SH3GLB2: variants seen among roughly 807,000 people sequenced by gnomAD.
The protein encoded by SH3GLB2 is SH3 domain containing GRB2 like, endophilin B2, also known as endophilin-B2.
A neutral mutation model predicts 48.0 loss-of-function variants in SH3GLB2; 24 were observed. The ratio of observed to expected loss-of-function variants is 0.50; its 90% confidence interval spans 0.36 to 0.70. SH3GLB2 has a LOEUF of 0.70. Ranked by LOEUF, SH3GLB2 falls within the 30% of genes least tolerant of loss-of-function variation. The probability of loss-of-function intolerance (pLI) is 0.00; values close to 1 mark genes in which losing one functional copy is unlikely to be tolerated. For missense variants in SH3GLB2, 425 were observed against 516.0 expected (o/e 0.82, Z 1.71); for synonymous variants, 227 against 207.6 (o/e 1.09, Z -0.80).
chr9:129,009,944 T>C (rs561488925), intron 8 of SH3GLB2, 73 bp from the exon 9 acceptor site: 2 of 1,467,348 alleles, frequency 1.4e-6, no homozygotes, highest in African/African-American at 1.4e-5. Context: ...CCCATCCCCG[T>C]CCTCTACCAG....
At chr9:129,027,531 A>G (rs1844229992) in intron 1 of SH3GLB2, among the ~76,000 whole-genome samples, 1 of 152,068 alleles carries the variant, frequency 6.6e-6, no homozygotes, top group South Asian at 2.1e-4. Context: ...CCCTCTCTCC[A>G]TCCCCCAGGC....
chr9:129,014,688 A>G lies in SH3GLB2; in HGVS notation c.468+83T>C, dbSNP rs1264936785. 1.9e-6 allele frequency: 3 copies of G among 1,557,826 alleles called. No individual in the cohort carries two copies. The highest frequency in any genetic ancestry group is 2.7e-5 in the African/African-American group (2 of 73,076). ...GCCTCAGGAGTTTTGTAGCCCCAGC[A>G]CTGGAAGAGAGCCTGTACTCAAAGG... is the stretch of plus-strand genomic sequence containing the variant. On this transcript the variant is annotated intron_variant, in intron 4 of 10. Coordinates refer to ENST00000372564, the MANE Select transcript of SH3GLB2 (RefSeq NM_020145.4). The surrounding 1 kb of genome is among the most constrained non-coding windows in gnomAD (Gnocchi z 4.1).
intron 7 of SH3GLB2, 189 bp from the exon 8 acceptor site, chr9:129,010,398 A>C: frequency 1.6e-6 from 1 of 642,966 alleles, no homozygotes; most frequent in South Asian, 1.9e-5. Flanking sequence ...TCAGGACCCC[A>C]CAGGCAGCTG....
intron 1 of SH3GLB2, among the ~76,000 whole-genome samples, chr9:129,027,478 T>C (rs1844225893): frequency 6.6e-6 from 1 of 152,132 alleles, no homozygotes; most frequent in East Asian, 1.9e-4. Flanking sequence ...CTTCTTCCAA[T>C]CTCAGCATCG....
intron 1 of SH3GLB2, among the ~76,000 whole-genome samples, chr9:129,025,070 G>A (rs1844064684): frequency 6.6e-6 from 1 of 150,898 alleles, no homozygotes; most frequent in South Asian, 2.1e-4. Flanking sequence ...GAGGTCAGGA[G>A]TTCGAGACCA....
At chr9:129,010,488 G>A (rs1402725479) in intron 7 of SH3GLB2, 182 bp downstream of exon 7, 4 of 698,270 alleles carry the variant, frequency 5.7e-6, no homozygotes, top group Non-Finnish European at 9.9e-6. Flanking sequence ...GTGTGCTACA[G>A]GGTACTGTGG....
chr9:129,014,894 C>A lies in SH3GLB2; in HGVS notation c.345G>T (p.Leu115=), dbSNP rs2131257251. The change falls in exon 4 of 11, where the codon CTG becomes CTT. Residue 115 remains leucine (L), a synonymous_variant. Coordinates refer to ENST00000372564, the MANE Select transcript of SH3GLB2 (RefSeq NM_020145.4). The surrounding 1 kb of genome is among the most constrained non-coding windows in gnomAD (Gnocchi z 4.1). The stretch of plus-strand genomic sequence containing the variant: ...GCTTTTCAGCTTCTGCCACCTTGAT[C>A]AGTGTCTTCCCTGAGAAAACAGAGT... ...LGPTTPYGKT[L]IKVAEAEKQL... is the part of the protein sequence containing the mutation. The A allele has an allele frequency of 6.2e-7, 1 of 1,613,742 alleles. No individual in the cohort carries two copies. The highest frequency in any genetic ancestry group is 8.5e-7 in the Non-Finnish European group (1 of 1,179,832).
chr9:129,017,421 T>C (rs1359460396), intron 3 of SH3GLB2, among the ~76,000 whole-genome samples: 2 of 152,160 alleles, frequency 1.3e-5, no homozygotes, highest in Non-Finnish European at 2.9e-5. Flanking sequence ...AGATAGACCA[T>C]ATACTAGGTC....
intron 1 of SH3GLB2, among the ~76,000 whole-genome samples, chr9:129,026,744 G>A (rs1040014029): frequency 1.3e-5 from 2 of 152,222 alleles, no homozygotes; most frequent in Admixed American, 6.5e-5. Flanking sequence ...GTGGGAGATA[G>A]TGTGGTTGCC....
intron 9 of SH3GLB2, 174 bp from the exon 10 acceptor site, chr9:129,009,520 C>T: frequency 6.5e-7 from 1 of 1,548,238 alleles, no homozygotes; most frequent in Non-Finnish European, 8.7e-7. Flanking sequence ...TGGCCCCACC[C>T]CCTGGTCCCT....
intron 3 of SH3GLB2, chr9:129,015,743 TA>T: frequency 9.1e-6 from 2 of 220,220 alleles, no homozygotes; most frequent in Non-Finnish European, 9.6e-6. Flanking sequence ...CTCACACCTG[TA>T]ATCCCAATAC....
chr9:129,012,228 G>A lies in SH3GLB2; in HGVS notation c.624+8C>T, dbSNP rs771222722. ...ACGAGGGGTGGGGTGGGGGTGGGGT[G>A]CGCTTACCGCGGAGGCGCTGGCCGA... On this transcript the variant is annotated splice_region_variant and intron_variant, in intron 6 of 10. Coordinates refer to ENST00000372564, the MANE Select transcript of SH3GLB2 (RefSeq NM_020145.4). 7 of 1,274,142 alleles carry A rather than the reference G, an allele frequency of 5.5e-6. No individual in the cohort carries two copies. The highest frequency in any genetic ancestry group is 5.9e-5 in the East Asian group (2 of 33,654). 78.9% of individuals were successfully genotyped at this position (1,274,142 alleles called of 1,614,324 possible).
chr9:129,021,280 GA>G, intron 2 of SH3GLB2, 61 bp from the exon 3 acceptor site: 2 of 1,518,140 alleles, frequency 1.3e-6, no homozygotes, highest in African/African-American at 1.4e-5. Context: ...AAATGAAACA[GA>G]AACAGACCCA....
intron 10 of SH3GLB2, 89 bp from the exon 11 acceptor site, chr9:129,008,880 C>A: frequency 7.4e-7 from 1 of 1,357,268 alleles, no homozygotes; most frequent in Non-Finnish European, 1.0e-6. Context: ...GCCACCTCCC[C>A]ATGGCCCGTG....
intron 2 of SH3GLB2, among the ~76,000 whole-genome samples, chr9:129,021,500 C>G (rs969678032): frequency 2.6e-5 from 4 of 152,042 alleles, no homozygotes; most frequent in Admixed American, 1.3e-4. Context: ...TTATCTGGCC[C>G]CTCAATGAGC....
At chr9:129,012,179 T>A in intron 6 of SH3GLB2, 57 bp downstream of exon 6, 1 of 771,332 alleles carries the variant, frequency 1.3e-6, no homozygotes, top group Non-Finnish European at 1.5e-6. Context: ...GAGGCAGTGG[T>A]GTGGGACGTG....
rs1466541459 is a variant in SH3GLB2 at position 129,028,201 on chromosome 9, C to T, written c.-47G>A. On this transcript the variant is annotated 5_prime_UTR_variant, in exon 1 of 11. Transcript: ENST00000372564. ...CGCACGGCCCGAGCGCAGCCGGCAG[C>T]CCCCGGCCCAGCCGCCGCCGCCAAC... The T allele has an allele frequency of 4.3e-5, 51 of 1,187,816 alleles. No homozygotes were observed. Among genetic ancestry groups the T allele is most frequent in the Middle Eastern group, 6.5e-4 (2 of 3,080 alleles). 73.6% of individuals were successfully genotyped at this position (1,187,816 alleles called of 1,614,324 possible).
At position 129,013,559 on chromosome 9, in the gene SH3GLB2, G is replaced by C. The variant is rs184883116; in HGVS notation, c.561+852C>G. The C allele has an allele frequency of 3.7e-4, 66 of 176,416 alleles. No individual in the cohort carries two copies. In the East Asian group the frequency reaches 7.0e-3, roughly 19 times the overall value. The allele number at this position is 176,416 out of a possible 1,614,324, so 10.9% of individuals were successfully genotyped here. On this transcript the variant is annotated intron_variant, in intron 5 of 10. Transcript: ENST00000372564. ...GACCCCACACACTTGAGTGACCTGA[G>C]ACGGTTCTCGCCAGGGGCAGTGCTG...
At chr9:129,021,849 T>C (rs1398898385) in intron 2 of SH3GLB2, among the ~76,000 whole-genome samples, 2 of 151,318 alleles carry the variant, frequency 1.3e-5, no homozygotes, top group East Asian at 3.9e-4. Context: ...GTCCCAGCTA[T>C]TCAGGAGGCT....
Sources: allele counts gnomAD v4.1 joint callset (sites outside exome capture counted in the v4.1 genomes callset), GRCh38; gene constraint gnomAD v4.1.1; non-coding constraint Gnocchi (gnomAD v3.1); transcripts MANE v1.5; gene names NCBI Gene and HGNC (gene_info 2026-07-23, HGNC 2026-07-21).